NOP14: variants seen among roughly 807,000 people sequenced by gnomAD.
The protein encoded by NOP14 is NOP14 nucleolar protein.
NOP14 carries 57 observed loss-of-function variants against 101.6 expected under a neutral mutation model. The ratio of observed to expected loss-of-function variants is 0.56; its 90% CI spans 0.45 to 0.70. The LOEUF (loss-of-function observed/expected upper bound fraction) is 0.70, where lower values mean the gene tolerates loss of function less well. Ranked by LOEUF, NOP14 falls within the 30% of genes least tolerant of loss-of-function variation. The pLI is 0.00. For missense variants in NOP14, 1,134 were observed against 1,075.5 expected (o/e 1.05, Z -0.76); for synonymous variants, 428 against 424.0 (o/e 1.01, Z -0.12).
Position 2,939,583 on chromosome 4 carries a change from G to A in NOP14, c.2262C>T (p.Thr754=). 4.3e-6 allele frequency: 7 copies of A among 1,613,976 alleles called. No homozygotes were observed. The highest frequency in any genetic ancestry group is 5.9e-6 in the Non-Finnish European group (7 of 1,180,040). The change falls in exon 16 of 18, where the codon ACC becomes ACT. Residue 754 remains threonine, a synonymous_variant. Transcript: ENST00000416614. ...ESQKQLCRPL[T]CEKSKPVPLK... The stretch of plus-strand genomic sequence containing the variant: ...GTGGGACAGGCTTGCTCTTCTCACA[G>A]GTCAGCGGCCGGCAGAGCTGCTTCT...
In NOP14 at chr4:2,954,517, G is replaced by C; in HGVS notation, c.519C>G (p.His173Gln). Residue 173 changes from histidine to glutamine, a missense_variant, in exon 4 of 18, where the codon CAC (histidine) becomes CAG (glutamine). Coordinates refer to ENST00000416614, the MANE Select transcript of NOP14 (RefSeq NM_001291978.2). ...AHFGGGGGLLHKKTQQEGEER... is the reference protein window; with the variant it reads ...AHFGGGGGLLQKKTQQEGEER... The stretch of plus-strand genomic sequence containing the variant: ...CCTCGCCTTCCTGTTGAGTCTTCTT[G>C]TGAAGGAGCCCACCGCCTCCTCCAA... 1.2e-6 allele frequency: 2 copies of C among 1,614,162 alleles called. No individual in the cohort carries two copies. Among genetic ancestry groups the C allele is most frequent in the Non-Finnish European group, 1.7e-6 (2 of 1,180,016 alleles).
chr4:2,945,303 C>T (rs569503232), intron 11 of NOP14, 74 bp from the exon 12 acceptor site: 54 of 1,112,244 alleles, frequency 4.9e-5, no homozygotes, highest in South Asian at 1.4e-4. Flanking sequence ...GCAAACACTC[C>T]GGAGCCAAGA....
intron 4 of NOP14, among the ~76,000 whole-genome samples, 191 bp from the exon 5 acceptor site, chr4:2,953,836 T>C (rs1288490395): frequency 1.3e-5 from 2 of 152,194 alleles, no homozygotes; most frequent in Non-Finnish European, 2.9e-5. Context: ...CGGAAATCTT[T>C]TCCTGCCATA....
At chr4:2,945,083 C>T (rs1005876411) in intron 12 of NOP14, 45 bp downstream of exon 12, 20 of 1,387,090 alleles carry the variant, frequency 1.4e-5, no homozygotes, top group South Asian at 6.2e-5. Flanking sequence ...TCCGGCCACC[C>T]GTGGTGCAGC....
At chr4:2,948,114 C>T (rs1164685123) in intron 9 of NOP14, among the ~76,000 whole-genome samples, 164 bp downstream of exon 9, 1 of 152,258 alleles carries the variant, frequency 6.6e-6, no homozygotes, top group Non-Finnish European at 1.5e-5. Context: ...TCTGCCGGTG[C>T]CATACCAAGT....
rs145832505 is a variant in NOP14, at chr4:2,939,339, C to G, written c.2323G>C (p.Glu775Gln). 1.9e-4 allele frequency: 312 copies of G among 1,614,016 alleles called. No homozygotes were observed. The African/African-American group carries it at 3.9e-3, about 20-fold the overall frequency. ...LFTPRLVKVL[E>Q]FGRKQGSSKE... Reference sequence around the variant, plus strand: ...CTACTGCCTTGTTTTCTTCCAAACTCGAGGCTACAACCAGAAAGCCACTGT... The same window carrying G: ...CTACTGCCTTGTTTTCTTCCAAACTGGAGGCTACAACCAGAAAGCCACTGT... Residue 775 changes from glutamate (E) to glutamine (Q), a missense_variant, in exon 17 of 18, where the codon GAG becomes CAG. Physicochemically the swap from Glu to Gln is conservative, Grantham distance 29. Coordinates refer to ENST00000416614, the MANE Select transcript of NOP14 (RefSeq NM_001291978.2).
chr4:2,945,005 C>T, intron 12 of NOP14, 123 bp downstream of exon 12: 1 of 655,968 alleles, frequency 1.5e-6, no homozygotes, highest in Admixed American at 2.7e-5. Context: ...GGCCTAACCG[C>T]AGTGCTCGGT....
chr4:2,961,174 C>T lies in NOP14; in HGVS notation c.195+1951G>A, dbSNP rs1327220394. Among the ~76,000 whole-genome samples the T allele has an allele frequency of 5.0e-3, 19 of 3,778 alleles. 1 individual carries two copies. Among genetic ancestry groups the T allele is most frequent in the South Asian group, 0.014 (1 of 70 alleles). 2.5% of individuals were successfully genotyped at this position (3,778 alleles called of 152,430 possible). A position where few individuals can be genotyped will look rare whatever the true frequency, so the allele number is the denominator to read the frequency against. On this transcript the variant is annotated intron_variant, in intron 1 of 17. Transcript: ENST00000416614. ...ATAATAATATATTAATATGCTATTACAATAATATATTAATATGCTAATATT... is the reference window on the plus strand; with the variant it reads ...ATAATAATATATTAATATGCTATTATAATAATATATTAATATGCTAATATT...
intron 5 of NOP14, among the ~76,000 whole-genome samples, chr4:2,953,048 A>C (rs944771772): frequency 6.6e-6 from 1 of 152,280 alleles, no homozygotes; most frequent in Non-Finnish European, 1.5e-5. Context: ...ACAGATGACC[A>C]CATGACACTA....
At chr4:2,953,727 A>G (rs1456456106) in intron 4 of NOP14, 82 bp from the exon 5 acceptor site, 6 of 1,508,410 alleles carry the variant, frequency 4.0e-6, no homozygotes, top group Admixed American at 1.9e-5. Flanking sequence ...TGCCAAGGAC[A>G]CACACAGTGA....
rs762108340 is a variant in NOP14, at chr4:2,956,714, A to C, written c.428T>G (p.Ile143Ser). The stretch of plus-strand genomic sequence containing the variant: ...CTCAGCATCGCTGTCACTGTCCACA[A>C]TGTCATTATGCTTCTCGATGTCTGC... ...SLADIEKHND[I>S]VDSDSDAEDR... The change falls in exon 3 of 18, where the codon ATT becomes AGT. Residue 143 changes from isoleucine to serine, a missense_variant. Transcript: ENST00000416614. 1.4e-4 allele frequency: 232 copies of C among 1,613,520 alleles called. No individual in the cohort carries two copies. Among genetic ancestry groups the C allele is most frequent in the Non-Finnish European group, 1.9e-4 (220 of 1,179,888 alleles).
intron 3 of NOP14, among the ~76,000 whole-genome samples, chr4:2,955,907 A>C (rs1715319322): frequency 6.6e-6 from 1 of 152,224 alleles, no homozygotes; most frequent in Non-Finnish European, 1.5e-5. Context: ...ATCAGAAGGC[A>C]GCCCCAGGCT....
At position 2,951,201 on chromosome 4, in the gene NOP14, A is replaced by C; in HGVS notation, c.915T>G (p.Asn305Lys). 6.2e-7 allele frequency: 1 copy of C among 1,613,932 alleles called. No homozygotes were observed. Among genetic ancestry groups the C allele is most frequent in the Non-Finnish European group, 8.5e-7 (1 of 1,179,858 alleles). ...CTGACATATGTTTTGGTTTCTTAACATTTTCATCCTCATCCTTTCCAAGCA... is the reference window on the plus strand; with the variant it reads ...CTGACATATGTTTTGGTTTCTTAACCTTTTCATCCTCATCCTTTCCAAGCA... ...RRMLGKDEDE[N>K]VKKPKHMSAD... is the part of the protein sequence containing the mutation. The change falls in exon 7 of 18, where the codon AAT (asparagine) becomes AAG (lysine). Residue 305 changes from asparagine to lysine, a missense_variant. Coordinates refer to ENST00000416614, the MANE Select transcript of NOP14 (RefSeq NM_001291978.2).
At position 2,951,196 on chromosome 4, in the gene NOP14, T is replaced by C. The variant is rs1250588161; in HGVS notation, c.920A>G (p.Lys307Arg). The C allele has an allele frequency of 1.9e-6, 3 of 1,613,958 alleles. No individual in the cohort carries two copies. In the African/African-American group the frequency reaches 4.0e-5, roughly 21 times the overall value. The part of the protein sequence containing the change: ...MLGKDEDENV[K>R]KPKHMSADDL... Reference sequence around the variant, plus strand: ...ATCTGCTGACATATGTTTTGGTTTCTTAACATTTTCATCCTCATCCTTTCC... The same window carrying C: ...ATCTGCTGACATATGTTTTGGTTTCCTAACATTTTCATCCTCATCCTTTCC... Residue 307 changes from lysine (K) to arginine (R), a missense_variant, in exon 7 of 18, where the codon AAG (lysine) becomes AGG (arginine). Physicochemically the swap from Lys to Arg is conservative, Grantham distance 26. Transcript: ENST00000416614.
At chr4:2,941,499 ATGAC>A (rs1714182683) in intron 15 of NOP14, 79 bp downstream of exon 15, 2 of 1,324,910 alleles carry the variant, frequency 1.5e-6, no homozygotes, top group South Asian at 1.4e-5. Flanking sequence ...GCAGCATCAA[ATGAC>A]TGACTGCCAC....
At chr4:2,939,730 C>T (rs1713998130) in intron 15 of NOP14, 85 bp from the exon 16 acceptor site, 2 of 1,038,134 alleles carry the variant, frequency 1.9e-6, no homozygotes, top group Non-Finnish European at 3.0e-6. Context: ...GGTGTCAAGG[C>T]AGCGTGAGGA....
At position 2,954,464 on chromosome 4, in the gene NOP14, T is replaced by A. The variant is rs913264113; in HGVS notation, c.572A>T (p.Glu191Val). Residue 191 changes from glutamate to valine, a missense_variant, in exon 4 of 18, where the codon GAG becomes GTG. By Grantham distance (121) the Glu-to-Val change is moderately radical. Transcript: ENST00000416614. ...EEREKPKSRK[E>V]LIEELIAKSK... The stretch of plus-strand genomic sequence containing the variant: ...CTTGGCAATGAGCTCTTCAATCAGC[T>A]CTTTCCGGGACTTCGGTTTCTCCCG... 2.5e-6 allele frequency: 4 copies of A among 1,614,156 alleles called. No homozygotes were observed. The highest frequency in any genetic ancestry group is 3.4e-6 in the Non-Finnish European group (4 of 1,180,004).
At chr4:2,961,221 A>AATAATATAGT (rs1715856788) in intron 1 of NOP14, 4 of 41,104 alleles carry the variant, frequency 9.7e-5, no homozygotes, top group Admixed American at 5.8e-4. Context: ...TTAATATATT[A>AATAATATAGT]ATATTGTTAG....
chr4:2,954,092 G>A (rs1001494422), intron 4 of NOP14, among the ~76,000 whole-genome samples: 8 of 152,124 alleles, frequency 5.3e-5, no homozygotes. Context: ...GCTACTTGGG[G>A]AGCTGAGGTG....
Sources: gnomAD v4.1 joint callset for allele counts (sites outside exome capture counted in the v4.1 genomes callset) on GRCh38, gnomAD v4.1.1 for gene constraint, MANE v1.5 for transcripts, NCBI Gene and HGNC (gene_info 2026-07-23, HGNC 2026-07-21) for gene names.